Variants in MEF2C observed in about 807,000 individuals in gnomAD.
MEF2C encodes myocyte-specific enhancer factor 2C.
Under a neutral mutation model 50.5 loss-of-function variants are expected in MEF2C, and 6 were observed. That is an observed-to-expected ratio of 0.12 (90% CI 0.07 to 0.23). The LOEUF is 0.23. Among genes scored for constraint, MEF2C ranks in the 10% least tolerant of loss-of-function variants. MEF2C has a pLI of 1.00. For synonymous variants in MEF2C, 183 were observed against 228.0 expected, an observed-to-expected ratio of 0.80 and a Z score of 1.78; for missense variants, 276 against 605.0, an observed-to-expected ratio of 0.46 and a Z score of 5.70.
In MEF2C at chr5:88,722,389, G is replaced by A; in HGVS notation, c.*215C>T. ...ATCTATTTTGTACAAGTGTTCTGTTGTACAACTCAAGTGCTAAGCTTATCT... is the reference window on the plus strand; with the variant it reads ...ATCTATTTTGTACAAGTGTTCTGTTATACAACTCAAGTGCTAAGCTTATCT... On this transcript the variant is annotated 3_prime_UTR_variant, in exon 11 of 11. Coordinates refer to ENST00000504921, the MANE Select transcript of MEF2C (RefSeq NM_002397.5). 1.9e-6 allele frequency: 1 copy of A among 523,752 alleles called. No homozygotes were observed. Among genetic ancestry groups the A allele is most frequent in the Non-Finnish European group, 3.4e-6 (1 of 296,592 alleles). The allele number at this position is 523,752 out of a possible 1,614,324, so 32.4% of individuals were successfully genotyped here.
intron 10 of MEF2C, among the ~76,000 whole-genome samples, chr5:88,727,973 G>C (rs539759183): frequency 4.0e-5 from 6 of 151,756 alleles, no homozygotes; most frequent in Non-Finnish European, 8.8e-5. Context: ...TAGGTAATTA[G>C]TATTATATGT....
intron 1 of MEF2C, among the ~76,000 whole-genome samples, chr5:88,894,817 A>G (rs1451058605): frequency 6.6e-6 from 1 of 152,224 alleles, no homozygotes; most frequent in East Asian, 1.9e-4. Flanking sequence ...ATTAATAGTT[A>G]TAGATCATGT....
At chr5:88,724,654 A>G (rs1294513735) in intron 10 of MEF2C, among the ~76,000 whole-genome samples, 1 of 152,090 alleles carries the variant, frequency 6.6e-6, no homozygotes, top group Admixed American at 6.5e-5. Context: ...CAGTTTACTA[A>G]TTTTCCAAAA....
At chr5:88,856,209 T>A (rs1422892503) in intron 1 of MEF2C, among the ~76,000 whole-genome samples, 2 of 152,164 alleles carry the variant, frequency 1.3e-5, no homozygotes, top group Non-Finnish European at 2.9e-5. Context: ...AACTTTGAAC[T>A]TGAGAGAGAT....
rs193017579 is a variant in MEF2C, at chr5:88,734,686, T to C, written c.638-2785A>G. On this transcript the variant is annotated intron_variant, in intron 6 of 10. Coordinates refer to ENST00000504921, the MANE Select transcript of MEF2C (RefSeq NM_002397.5). Reference sequence around the variant, plus strand: ...TTTAAACAGTGATTCAGGGCAGCAGTAGGGGAAAAAAAAGTAAATATACAT... The same window carrying C: ...TTTAAACAGTGATTCAGGGCAGCAGCAGGGGAAAAAAAAGTAAATATACAT... 68 of 976,342 alleles carry C rather than the reference T, an allele frequency of 7.0e-5. No homozygotes were observed. In the African/African-American group the frequency reaches 1.1e-3, roughly 16 times the overall value. 60.5% of individuals were successfully genotyped at this position (976,342 alleles called of 1,614,324 possible).
rs1755175419 is a variant in MEF2C at position 88,718,115 on chromosome 5, T to C, written c.*4489A>G. Reference sequence around the variant, plus strand: ...CATATCCATCTTTTCATATAATATTTTGAGTTGAAAACTGAGAAAGCTCAT... The same window carrying C: ...CATATCCATCTTTTCATATAATATTCTGAGTTGAAAACTGAGAAAGCTCAT... On this transcript the variant is annotated 3_prime_UTR_variant, in exon 11 of 11. Transcript: ENST00000504921. 1 of 152,202 alleles carries C rather than the reference T, an allele frequency of 6.6e-6. No individual in the cohort carries two copies. Among genetic ancestry groups the C allele is most frequent in the Non-Finnish European group, 1.5e-5 (1 of 68,034 alleles). 9.4% of individuals were successfully genotyped at this position (152,202 alleles called of 1,614,324 possible).
At chr5:88,890,618 G>T (rs2150222135) in intron 1 of MEF2C, among the ~76,000 whole-genome samples, 1 of 152,228 alleles carries the variant, frequency 6.6e-6, no homozygotes, top group East Asian at 1.9e-4. Context: ...ATAAAGTTCT[G>T]CTGGAGAATA....
At chr5:88,817,966 C>A (rs1806297522) in intron 2 of MEF2C, 1 of 151,890 alleles carries the variant, frequency 6.6e-6, no homozygotes, top group South Asian at 2.1e-4. Flanking sequence ...GGACAATATT[C>A]ATTTAAAAAC....
In MEF2C at chr5:88,821,222, A is replaced by T. The variant is rs573138735; in HGVS notation, c.54+2513T>A. 3.9e-5 allele frequency among the ~76,000 whole-genome samples: 6 copies of T among 152,018 alleles called. 1 individual carries two copies. The highest frequency in any genetic ancestry group is 1.4e-4 in the African/African-American group (6 of 41,518). Reference sequence around the variant, plus strand: ...AACTATATATAAAAAAAGAAAAGATATTCAATTATTAGCTCAAAAGTGCGA... The same window carrying T: ...AACTATATATAAAAAAAGAAAAGATTTTCAATTATTAGCTCAAAAGTGCGA... On this transcript the variant is annotated intron_variant, in intron 2 of 10. Coordinates refer to ENST00000504921, the MANE Select transcript of MEF2C (RefSeq NM_002397.5).
At chr5:88,869,282 T>TAC (rs1828609126) in intron 1 of MEF2C, among the ~76,000 whole-genome samples, 4 of 86,382 alleles carry the variant, frequency 4.6e-5, no homozygotes, top group South Asian at 3.6e-4. Context: ...TATATACATA[T>TAC]ATATATATAT....
intron 3 of MEF2C, chr5:88,768,814 A>G: frequency 2.5e-6 from 1 of 392,162 alleles, no homozygotes; most frequent in Non-Finnish European, 3.5e-6. Context: ...TTCCCTCTTA[A>G]TAACTCCCAA....
intron 1 of MEF2C, among the ~76,000 whole-genome samples, chr5:88,834,678 G>A (rs192624360): frequency 5.9e-5 from 9 of 152,206 alleles, no homozygotes. Context: ...AGGAGATGAC[G>A]TTTGAGGAAA....
intron 10 of MEF2C, among the ~76,000 whole-genome samples, chr5:88,727,164 T>C (rs1276519940): frequency 6.6e-6 from 1 of 152,184 alleles, no homozygotes; most frequent in African/African-American, 2.4e-5. Context: ...CCACAGTTAA[T>C]GTCTACTTGA....
intron 1 of MEF2C, among the ~76,000 whole-genome samples, chr5:88,861,460 T>C (rs1825482055): frequency 6.6e-6 from 1 of 152,182 alleles, no homozygotes; most frequent in South Asian, 2.1e-4. Context: ...CTCCCTTGGA[T>C]GTGGTATGTT....
chr5:88,734,561 GTTTGTTTTTTTTTTTTT>G (rs1268092135), intron 6 of MEF2C: 7,551 of 252,744 alleles, frequency 0.03, 31 homozygotes, highest in Non-Finnish European at 0.033. Context: ...CTTGAGAAAA[GTTTGTTTTTTTTTTTTT>G]TTTTTTTTTT....
chr5:88,833,064 G>A (rs1051090334), intron 1 of MEF2C, among the ~76,000 whole-genome samples: 8 of 151,946 alleles, frequency 5.3e-5, no homozygotes, highest in African/African-American at 1.9e-4. Flanking sequence ...AAAATACAAT[G>A]GAATTTTTAA....
intron 1 of MEF2C, among the ~76,000 whole-genome samples, chr5:88,825,311 A>G (rs1333868840): frequency 1.3e-5 from 2 of 150,336 alleles, no homozygotes; most frequent in East Asian, 3.9e-4. Flanking sequence ...TGCAGAAGCT[A>G]TTATGATATA....
At chr5:88,895,251 T>C (rs1288527262) in intron 1 of MEF2C, among the ~76,000 whole-genome samples, 1 of 152,198 alleles carries the variant, frequency 6.6e-6, no homozygotes, top group African/African-American at 2.4e-5. Flanking sequence ...ATATAAACAT[T>C]TATGGTCGTA....
chr5:88,903,453 A>C (rs183888181), intron 1 of MEF2C, among the ~76,000 whole-genome samples: 5 of 152,076 alleles, frequency 3.3e-5, no homozygotes, highest in African/African-American at 1.2e-4. Flanking sequence ...CTCTCTAATC[A>C]TGTTCTTGTA....
Sources: gnomAD v4.1 joint callset for allele counts (sites outside exome capture counted in the v4.1 genomes callset) on GRCh38, gnomAD v4.1.1 for gene constraint, MANE v1.5 for transcripts, NCBI Gene and HGNC (gene_info 2026-07-23, HGNC 2026-07-21) for gene names.